Variants in ARHGEF1 observed in about 807,000 individuals in gnomAD.
ARHGEF1 encodes Rho guanine nucleotide exchange factor 1.
ARHGEF1 carries 40 observed loss-of-function variants against 119.7 expected under a neutral mutation model. The ratio of observed to expected loss-of-function variants is 0.33; its 90% CI spans 0.26 to 0.44. The LOEUF is 0.44. ARHGEF1 is among the 20% of genes least tolerant of loss of function. The pLI is 1.00. For synonymous variants in ARHGEF1, 494 were observed against 521.0 expected, an observed-to-expected ratio of 0.95 and a Z score of 0.71; for missense variants, 976 against 1,268.3, an observed-to-expected ratio of 0.77 and a Z score of 3.50.
At chr19:41,915,543 C>T (rs112867355) in intron 18 of ARHGEF1, among the ~76,000 whole-genome samples, 4,075 of 152,042 alleles carry the variant, frequency 0.027, 183 homozygotes, top group African/African-American at 0.093. Context: ...TGTCTAGGGT[C>T]TCCACACCCC....
intron 18 of ARHGEF1, among the ~76,000 whole-genome samples, chr19:41,915,092 G>A (rs1250308217): frequency 3.7e-5 from 3 of 81,956 alleles, no homozygotes; most frequent in Non-Finnish European, 6.8e-5. Context: ...CCCACCTCCC[G>A]CTCTCTTTGC....
rs376228677 is a variant in ARHGEF1 at position 41,898,434 on chromosome 19, G to C, written c.1122-8G>C. ...AAGCTGGGGCCCTAACAAGGCCTCT[G>C]TCCACAGCCCCGAGCCTGGAGATGA... is the stretch of plus-strand genomic sequence containing the variant. On this transcript the variant is annotated splice_polypyrimidine_tract_variant and splice_region_variant and intron_variant, in intron 13 of 28. Transcript: ENST00000354532. 4.0e-5 allele frequency: 62 copies of C among 1,547,974 alleles called. No homozygotes were observed. Among genetic ancestry groups the C allele is most frequent in the Non-Finnish European group, 4.9e-5 (56 of 1,145,766 alleles).
In ARHGEF1 at chr19:41,896,377, G is replaced by T; in HGVS notation, c.1016G>T (p.Gly339Val). Residue 339 changes from glycine (G) to valine (V), a missense_variant and splice_region_variant, in exon 13 of 29, where the codon GGT becomes GTT. This residue lies in a region of ARHGEF1 where 519 missense variants were observed against 580.9 expected (regional missense o/e 0.89). Transcript: ENST00000354532. ...CAGCCCTGCTCCCTCCACCCCACAG[G>T]TGCTGACGCCCCCCTGGAGCTGGGG... is the stretch of plus-strand genomic sequence containing the variant. Reference protein sequence around the residue: ...LSLDSPDREPGADAPLELGDS... With the variant: ...LSLDSPDREPVADAPLELGDS... The T allele has an allele frequency of 1.4e-6, 2 of 1,428,868 alleles. No individual in the cohort carries two copies. The allele number at this position is 1,428,868 out of a possible 1,614,324, so 88.5% of individuals were successfully genotyped here. A position where few individuals can be genotyped will look rare whatever the true frequency, so the allele number is the denominator to read the frequency against.
At chr19:41,922,143 C>T (rs1411581796), upstream of ARHGEF1, among the ~76,000 whole-genome samples, 1 of 152,066 alleles carries the variant, frequency 6.6e-6, no homozygotes, top group African/African-American at 2.4e-5. Flanking sequence ...ACCAGCTACT[C>T]AGGGAGCCCA....
At chr19:41,923,478 AGG>A (rs2074853122) in intron 1 of ARHGEF1, among the ~76,000 whole-genome samples, 1 of 151,046 alleles carries the variant, frequency 6.6e-6, no homozygotes. Context: ...ACAAAAAGAC[AGG>A]GTGAGACAGA....
At chr19:41,897,839 C>T (rs1024766093) in intron 13 of ARHGEF1, 20 of 1,177,352 alleles carry the variant, frequency 1.7e-5, no homozygotes, top group South Asian at 5.9e-5. Context: ...GGTCTCTCCC[C>T]GTCTCTGTCC....
chr19:41,895,518 G>A (rs904324928), intron 12 of ARHGEF1, 32 bp downstream of exon 12: 17 of 1,562,366 alleles, frequency 1.1e-5, no homozygotes, highest in Non-Finnish European at 1.4e-5. Context: ...GCTCCATGAG[G>A]CCCGGCGATC....
intron 1 of ARHGEF1, among the ~76,000 whole-genome samples, chr19:41,926,888 C>CAGAGACAGAGATGCTGGG (rs2074874684): frequency 6.6e-6 from 1 of 151,858 alleles, no homozygotes; most frequent in Non-Finnish European, 1.5e-5. Flanking sequence ...GAGGGGGAGA[C>CAGAGACAGAGATGCTGGG]AGAGACAGAG....
rs376186289 is a variant in ARHGEF1 at position 41,888,320 on chromosome 19, G to A, written c.111+42G>A. ...GTGGAAAAGCTCTGTCCCAGGCTCA[G>A]TGTCCCGCCCCAGGTCCCCTCCCAC... On this transcript the variant is annotated intron_variant, in intron 3 of 28. Coordinates refer to ENST00000354532, the MANE Select transcript of ARHGEF1 (RefSeq NM_004706.4). This position sits in a 1 kb window ranked among gnomAD's most constrained non-coding sequence, Gnocchi z 5.1. 22 of 1,597,124 alleles carry A rather than the reference G, an allele frequency of 1.4e-5. No individual in the cohort carries two copies. In the African/African-American group the frequency reaches 3.0e-4, roughly 21 times the overall value.
At chr19:41,908,546 C>T (rs934308953), downstream of ARHGEF1, 37 of 1,231,346 alleles carry the variant, frequency 3.0e-5, no homozygotes, top group South Asian at 4.1e-5. This position sits in a 1 kb window ranked among gnomAD's most constrained non-coding sequence, Gnocchi z 6.7. Flanking sequence ...GGTAGAAATG[C>T]GGGGGGTAGA....
In ARHGEF1 at chr19:41,907,058, T is replaced by C. The variant is rs553669879; in HGVS notation, c.*18-47T>C. ...GTCTCTGTGTCTGTCTCTCCCTGTC[T>C]CTCTCTCCATCTCTCCCCGTCTCCC... On this transcript the variant is annotated intron_variant, in intron 28 of 28. Coordinates refer to ENST00000354532, the MANE Select transcript of ARHGEF1 (RefSeq NM_004706.4). The C allele has an allele frequency of 9.7e-6, 14 of 1,437,468 alleles. No individual in the cohort carries two copies. The East Asian group carries it at 1.5e-4, about 16-fold the overall frequency. The allele number at this position is 1,437,468 out of a possible 1,614,324, so 89.0% of individuals were successfully genotyped here. A position where few individuals can be genotyped will look rare whatever the true frequency, so the allele number is the denominator to read the frequency against.
In ARHGEF1 at chr19:41,902,505, C is replaced by T. The variant is rs1555849245; in HGVS notation, c.1498-28C>T. ...CTGTTCTTGCCCATCCCCACTGAGACACCTGCCTGGCCTGAATCTCGCTGT... is the reference window on the plus strand; with the variant it reads ...CTGTTCTTGCCCATCCCCACTGAGATACCTGCCTGGCCTGAATCTCGCTGT... On this transcript the variant is annotated intron_variant, in intron 16 of 28. Transcript: ENST00000354532. This position sits in a 1 kb window ranked among gnomAD's most constrained non-coding sequence, Gnocchi z 6.5. 1.1e-5 allele frequency: 18 copies of T among 1,613,788 alleles called. No individual in the cohort carries two copies. The highest frequency in any genetic ancestry group is 1.5e-5 in the Non-Finnish European group (18 of 1,179,990).
chr19:41,912,458 C>T (rs1183315137), intron 18 of ARHGEF1, among the ~76,000 whole-genome samples: 1 of 152,208 alleles, frequency 6.6e-6, no homozygotes, highest in Admixed American at 6.5e-5. Context: ...TGGGCAGTGC[C>T]GTCTGTCTAC....
chr19:41,923,325 G>A (rs1182283559), intron 1 of ARHGEF1: 1 of 377,996 alleles, frequency 2.6e-6, no homozygotes, highest in East Asian at 7.3e-5. Context: ...AAGACAAGGA[G>A]ACAGACACAG....
intron 1 of ARHGEF1, 119 bp from the exon 2 acceptor site, chr19:41,887,945 G>T (rs782164361): frequency 3.4e-6 from 4 of 1,162,184 alleles, no homozygotes; most frequent in East Asian, 5.3e-5. Flanking sequence ...ATTGAGCTGC[G>T]GAGGCTGGGA....
intron 1 of ARHGEF1, chr19:41,927,990 G>C (rs547197682): frequency 7.4e-4 from 112 of 150,974 alleles, no homozygotes; most frequent in African/African-American, 2.5e-3. Flanking sequence ...TCCTGGGGCG[G>C]GAATCCCCGC....
At chr19:41,926,196 A>C (rs895974146) in intron 1 of ARHGEF1, among the ~76,000 whole-genome samples, 1 of 151,842 alleles carries the variant, frequency 6.6e-6, no homozygotes, top group Non-Finnish European at 1.5e-5. Context: ...TATTACCTGG[A>C]GGGGCAGGTA....
At chr19:41,926,740 T>C (rs936099002) in intron 1 of ARHGEF1, among the ~76,000 whole-genome samples, 2 of 152,068 alleles carry the variant, frequency 1.3e-5, no homozygotes, top group Non-Finnish European at 2.9e-5. Context: ...GGGGGGCCGT[T>C]TAGCCGTGAT....
chr19:41,897,474 G>A, intron 13 of ARHGEF1: 1 of 419,474 alleles, frequency 2.4e-6, no homozygotes, highest in Non-Finnish European at 3.8e-6. Context: ...AGCTAAGTAT[G>A]GAAATCCTCC....
Sources: gnomAD v4.1 joint callset for allele counts (sites outside exome capture counted in the v4.1 genomes callset) on GRCh38, gnomAD v4.1.1 for gene constraint, gnomAD v4.1.1 regional missense constraint, Gnocchi (gnomAD v3.1) non-coding constraint, MANE v1.5 for transcripts, NCBI Gene and HGNC (gene_info 2026-07-23, HGNC 2026-07-21) for gene names.